Variants in PHACTR1 observed in about 807,000 individuals in gnomAD.
PHACTR1 encodes phosphatase and actin regulator 1.
Under a neutral mutation model 69.2 loss-of-function variants are expected in PHACTR1, and 16 were observed. The observed-to-expected ratio is 0.23, with a 90% confidence interval of 0.16 to 0.35. The LOEUF (loss-of-function observed/expected upper bound fraction) is 0.35, where lower values mean the gene tolerates loss of function less well. Among genes scored for constraint, PHACTR1 ranks in the 10% least tolerant of loss-of-function variants. PHACTR1 has a pLI of 1.00. For synonymous variants in PHACTR1, 312 were observed against 284.5 expected (o/e 1.10, Z -0.97); for missense variants, 510 against 734.7 (o/e 0.69, Z 3.54).
chr6:12,757,956 C>CA (rs562685084), intron 4 of PHACTR1, among the ~76,000 whole-genome samples: 166 of 152,162 alleles, frequency 1.1e-3, no homozygotes, highest in African/African-American at 3.1e-3. Context: ...TACTAAAATA[C>CA]AAAAAATCAG....
chr6:12,986,341 A>G (rs1316833305), intron 4 of PHACTR1, among the ~76,000 whole-genome samples: 1 of 152,172 alleles, frequency 6.6e-6, no homozygotes, highest in Non-Finnish European at 1.5e-5. Context: ...TGGAGCTGAA[A>G]AAGTATTGCC....
Position 13,035,792 on chromosome 6 carries a change from C to T in PHACTR1, c.251-17573C>T, listed in dbSNP as rs532224059. 1.8e-4 allele frequency among the ~76,000 whole-genome samples: 28 copies of T among 152,244 alleles called. No homozygotes were observed. The South Asian group carries it at 4.1e-3, about 23-fold the overall frequency. ...GCTTTTACATGCTGCATTGCACATA[C>T]GTCAGTGATAGCCTTGGGGAGGAAA... On this transcript the variant is annotated intron_variant, in intron 4 of 14. Coordinates refer to ENST00000332995, the MANE Select transcript of PHACTR1 (RefSeq NM_030948.6).
intron 7 of PHACTR1, among the ~76,000 whole-genome samples, chr6:13,188,336 C>A (rs940604084): frequency 6.6e-6 from 1 of 152,172 alleles, no homozygotes; most frequent in South Asian, 2.1e-4. Flanking sequence ...GCTACATTAA[C>A]CCTGTTCTGT....
At position 13,275,262 on chromosome 6, in the gene PHACTR1, C is replaced by T; in HGVS notation, c.1447+2347C>T. On this transcript the variant is annotated intron_variant, in intron 11 of 14. Transcript: ENST00000332995. This position sits in a 1 kb window ranked among gnomAD's most constrained non-coding sequence, Gnocchi z 4.0. ...CAGCAGCCAGTGAGGCCCTGTGCAC[C>T]TCTGAGCACATAATGAACCCTCTGA... The T allele has an allele frequency of 6.6e-6, 1 of 152,472 alleles. No individual in the cohort carries two copies. Among genetic ancestry groups the T allele is most frequent in the Non-Finnish European group, 1.5e-5 (1 of 68,144 alleles). The allele number at this position is 152,472 out of a possible 1,614,324, so 9.4% of individuals were successfully genotyped here.
chr6:13,027,315 C>T (rs190621252), intron 4 of PHACTR1, among the ~76,000 whole-genome samples: 1 of 152,114 alleles, frequency 6.6e-6, no homozygotes, highest in Non-Finnish European at 1.5e-5. Context: ...AATTTTCTGC[C>T]TAGTGTTTAA....
At chr6:12,885,391 C>A (rs1165257949) in intron 4 of PHACTR1, among the ~76,000 whole-genome samples, 2 of 152,172 alleles carry the variant, frequency 1.3e-5, no homozygotes, top group Non-Finnish European at 2.9e-5. Context: ...TATCATTTGA[C>A]CCACTTAAAG....
intron 4 of PHACTR1, among the ~76,000 whole-genome samples, chr6:12,981,643 A>C (rs1795534079): frequency 6.6e-6 from 1 of 152,140 alleles, no homozygotes; most frequent in South Asian, 2.1e-4. Context: ...TTATCATGGG[A>C]TCGCTGTCTT....
At chr6:12,888,508 A>C (rs984833261) in intron 4 of PHACTR1, among the ~76,000 whole-genome samples, 1 of 152,258 alleles carries the variant, frequency 6.6e-6, no homozygotes, top group African/African-American at 2.4e-5. Context: ...TACCTATGTT[A>C]GCATTTATAA....
intron 5 of PHACTR1, among the ~76,000 whole-genome samples, chr6:13,100,132 C>A (rs531940808): frequency 1.3e-5 from 2 of 152,304 alleles, no homozygotes; most frequent in African/African-American, 4.8e-5. Flanking sequence ...GATGCCCCTA[C>A]ATCAATCAAA....
intron 10 of PHACTR1, among the ~76,000 whole-genome samples, chr6:13,261,374 G>C (rs1474825980): frequency 1.3e-5 from 2 of 152,232 alleles, no homozygotes; most frequent in Non-Finnish European, 2.9e-5. Context: ...TCACCAAGTA[G>C]CATCCATTTA....
intron 4 of PHACTR1, chr6:12,958,180 C>A: frequency 2.7e-6 from 1 of 376,974 alleles, no homozygotes; most frequent in Non-Finnish European, 3.7e-6. Flanking sequence ...TTGAAATCCT[C>A]GGGCCGGGTT....
intron 4 of PHACTR1, among the ~76,000 whole-genome samples, chr6:12,931,062 A>G (rs540066985): frequency 1.6e-4 from 24 of 151,894 alleles, no homozygotes; most frequent in African/African-American, 5.1e-4. Flanking sequence ...CATGTAGGCA[A>G]TTTTAGTGGT....
chr6:12,918,904 A>G (rs531391294), intron 4 of PHACTR1, among the ~76,000 whole-genome samples: 15 of 152,354 alleles, frequency 9.8e-5, no homozygotes, highest in Middle Eastern at 3.4e-3. Flanking sequence ...TCCAGGAACA[A>G]GAAAAAGTTG....
chr6:13,055,920 T>C (rs774080644), intron 5 of PHACTR1, among the ~76,000 whole-genome samples: 1 of 152,256 alleles, frequency 6.6e-6, no homozygotes, highest in African/African-American at 2.4e-5. Flanking sequence ...TCATTAATGA[T>C]CATAGCAAGT....
At chr6:12,777,456 T>A (rs753036380) in intron 4 of PHACTR1, among the ~76,000 whole-genome samples, 5 of 151,898 alleles carry the variant, frequency 3.3e-5, no homozygotes, top group Non-Finnish European at 7.4e-5. Context: ...ACTCAGTGTT[T>A]AGCTCTTACT....
chr6:13,021,920 G>T (rs945225283), intron 4 of PHACTR1, among the ~76,000 whole-genome samples: 28 of 152,262 alleles, frequency 1.8e-4, no homozygotes, highest in African/African-American at 6.5e-4. Flanking sequence ...AATTACTCTT[G>T]TGACCATTTA....
intron 5 of PHACTR1, among the ~76,000 whole-genome samples, chr6:13,130,303 A>T (rs1820220015): frequency 6.6e-6 from 1 of 152,130 alleles, no homozygotes; most frequent in Non-Finnish European, 1.5e-5. Context: ...AAAACAAAAC[A>T]AAAAGGTCAG....
chr6:13,041,754 C>T (rs1018789896), intron 4 of PHACTR1, among the ~76,000 whole-genome samples: 4 of 151,960 alleles, frequency 2.6e-5, no homozygotes, highest in South Asian at 2.1e-4. Flanking sequence ...AAAGATTTTG[C>T]AAAGGTTGAA....
intron 4 of PHACTR1, among the ~76,000 whole-genome samples, chr6:12,756,068 T>C (rs893163924): frequency 6.6e-6 from 1 of 152,220 alleles, no homozygotes; most frequent in Non-Finnish European, 1.5e-5. Context: ...TACATTTTCA[T>C]ACGTAGATTC....
Sources: allele counts gnomAD v4.1 joint callset (sites outside exome capture counted in the v4.1 genomes callset), GRCh38; gene constraint gnomAD v4.1.1; non-coding constraint Gnocchi (gnomAD v3.1); transcripts MANE v1.5; gene names NCBI Gene and HGNC (gene_info 2026-07-23, HGNC 2026-07-21).